Variants in ANKS1B observed in about 807,000 individuals in gnomAD.
ANKS1B encodes ankyrin repeat and sterile alpha motif domain containing 1B.
Under a neutral mutation model 148.3 loss-of-function variants are expected in ANKS1B, and 36 were observed. That is an observed-to-expected ratio of 0.24 (90% CI 0.19 to 0.32). The LOEUF is 0.32. Among genes scored for constraint, ANKS1B ranks in the 10% least tolerant of loss-of-function variants. ANKS1B has a pLI of 1.00. For synonymous variants in ANKS1B, 542 were observed against 560.8 expected (o/e 0.97, Z 0.47); for missense variants, 1,157 against 1,542.6 (o/e 0.75, Z 4.19).
chr12:99,807,997 T>A (rs2067855818), intron 3 of ANKS1B, among the ~76,000 whole-genome samples: 1 of 152,092 alleles, frequency 6.6e-6, no homozygotes, highest in Non-Finnish European at 1.5e-5. Context: ...AAATTACACA[T>A]CCAAGTAGAA....
intron 17 of ANKS1B, among the ~76,000 whole-genome samples, chr12:99,037,984 T>C (rs2099956586): frequency 6.6e-6 from 1 of 152,162 alleles, no homozygotes; most frequent in African/African-American, 2.4e-5. Flanking sequence ...TTCCCCAAAC[T>C]CCAGGCCGGC....
intron 24 of ANKS1B, 48 bp downstream of exon 24, chr12:98,781,069 C>G: frequency 1.7e-6 from 2 of 1,199,528 alleles, no homozygotes; most frequent in Non-Finnish European, 1.2e-6. Context: ...AGATCATACA[C>G]TCAGGACTGC....
intron 1 of ANKS1B, among the ~76,000 whole-genome samples, chr12:99,909,039 C>T (rs866783276): frequency 2.0e-5 from 3 of 152,000 alleles, no homozygotes; most frequent in Non-Finnish European, 4.4e-5. Flanking sequence ...CCCTAGTAAC[C>T]ACCATTCTAC....
intron 16 of ANKS1B, among the ~76,000 whole-genome samples, chr12:99,079,376 G>A (rs2048902820): frequency 6.6e-6 from 1 of 152,116 alleles, no homozygotes; most frequent in African/African-American, 2.4e-5. Context: ...GAGGTTCTCA[G>A]TGCCATTCAG....
intron 12 of ANKS1B, among the ~76,000 whole-genome samples, chr12:99,385,053 C>A (rs755929869): frequency 1.4e-5 from 2 of 145,660 alleles, no homozygotes; most frequent in Non-Finnish European, 3.1e-5. Context: ...ATAATTGAGG[C>A]CCCAACCACA....
At chr12:99,679,993 G>A (rs915065762) in intron 8 of ANKS1B, among the ~76,000 whole-genome samples, 2 of 152,280 alleles carry the variant, frequency 1.3e-5, no homozygotes, top group Admixed American at 1.3e-4. Flanking sequence ...AACTCTGTGA[G>A]ACAGTTGAAA....
At chr12:99,540,476 G>A (rs1164700314) in intron 9 of ANKS1B, among the ~76,000 whole-genome samples, 1 of 152,002 alleles carries the variant, frequency 6.6e-6, no homozygotes, top group Non-Finnish European at 1.5e-5. Flanking sequence ...TATGTTCTCT[G>A]ACCATAATAG....
chr12:99,564,364 G>A (rs1040677606), intron 9 of ANKS1B, among the ~76,000 whole-genome samples: 16 of 151,372 alleles, frequency 1.1e-4, no homozygotes, highest in Admixed American at 4.6e-4. Flanking sequence ...ACAGAAAGAC[G>A]CCCAAAATTG....
intron 1 of ANKS1B, among the ~76,000 whole-genome samples, chr12:99,873,973 T>C (rs2091816628): frequency 1.3e-5 from 2 of 151,544 alleles, no homozygotes; most frequent in South Asian, 4.2e-4. Flanking sequence ...TCCATAATCT[T>C]GTGTGCCAAT....
At chr12:99,390,990 G>C (rs1254903967) in intron 12 of ANKS1B, among the ~76,000 whole-genome samples, 1 of 152,218 alleles carries the variant, frequency 6.6e-6, no homozygotes, top group East Asian at 1.9e-4. Flanking sequence ...GAATGGTCTT[G>C]ACCTAAATAT....
At chr12:98,750,837 G>A (rs1306477716) in intron 26 of ANKS1B, among the ~76,000 whole-genome samples, 1 of 152,238 alleles carries the variant, frequency 6.6e-6, no homozygotes, top group African/African-American at 2.4e-5. Flanking sequence ...CATGCCGCAG[G>A]AAGCCTCAGC....
At chr12:99,049,973 A>G (rs1015159976) in intron 17 of ANKS1B, among the ~76,000 whole-genome samples, 1 of 152,166 alleles carries the variant, frequency 6.6e-6, no homozygotes, top group Non-Finnish European at 1.5e-5. Flanking sequence ...ACATAGAACA[A>G]CAGTTACTGG....
At chr12:99,235,658 TATC>T (rs1402590191) in intron 14 of ANKS1B, among the ~76,000 whole-genome samples, 4 of 152,230 alleles carry the variant, frequency 2.6e-5, no homozygotes, top group Non-Finnish European at 5.9e-5. Flanking sequence ...TTGGAGCTAA[TATC>T]ATACTTGGGT....
At chr12:99,202,987 G>A (rs2082241939) in intron 14 of ANKS1B, among the ~76,000 whole-genome samples, 2 of 152,286 alleles carry the variant, frequency 1.3e-5, no homozygotes, top group Admixed American at 6.5e-5. Context: ...ACTTGTTAAA[G>A]CTTAGCCCCA....
chr12:99,915,368 G>A (rs367929886), intron 1 of ANKS1B, among the ~76,000 whole-genome samples: 3 of 152,266 alleles, frequency 2.0e-5, no homozygotes, highest in South Asian at 2.1e-4. Context: ...CACACATAAG[G>A]ACGTGGATGT....
chr12:99,892,117 C>CCTCA (rs1339071195), intron 1 of ANKS1B, among the ~76,000 whole-genome samples: 1 of 152,148 alleles, frequency 6.6e-6, no homozygotes, highest in African/African-American at 2.4e-5. Context: ...AATTCTCCTG[C>CCTCA]CTCAGCCTCC....
At chr12:99,776,331 G>T (rs1416693762) in intron 6 of ANKS1B, among the ~76,000 whole-genome samples, 3 of 152,168 alleles carry the variant, frequency 2.0e-5, no homozygotes, top group Non-Finnish European at 2.9e-5. Flanking sequence ...TGTTCTAAGT[G>T]TTTTGTATAA....
In ANKS1B at chr12:99,648,258, G is replaced by C. The variant is rs760828488; in HGVS notation, c.1272+6809C>G. 3.7e-6 allele frequency: 6 copies of C among 1,614,202 alleles called. No homozygotes were observed. In the South Asian group the frequency reaches 6.6e-5, roughly 18 times the overall value. ...TGTTTAACACCTCCATGGGGAAGCT[G>C]CAGCGGCAACTGTACAAAGGCGAGT... On this transcript the variant is annotated intron_variant, in intron 9 of 26. Coordinates refer to ENST00000683438, the MANE Select transcript of ANKS1B (RefSeq NM_001352186.2).
rs546125269 is a variant in ANKS1B, at chr12:99,929,439, C to G, written c.134+54665G>C. Among the ~76,000 whole-genome samples the G allele has an allele frequency of 1.3e-3, 200 of 152,236 alleles. 1 individual carries two copies. Among genetic ancestry groups the G allele is most frequent in the African/African-American group, 4.5e-3 (189 of 41,546 alleles). ...TAGGTTGCAAAAATTTTCTCCCATT[C>G]TGTAGGTTGCCTGTTCACTCTGATG... is the stretch of plus-strand genomic sequence containing the variant. On this transcript the variant is annotated intron_variant, in intron 1 of 26. Coordinates refer to ENST00000683438, the MANE Select transcript of ANKS1B (RefSeq NM_001352186.2).
Sources: gnomAD v4.1 joint callset for allele counts (sites outside exome capture counted in the v4.1 genomes callset) on GRCh38, gnomAD v4.1.1 for gene constraint, MANE v1.5 for transcripts, NCBI Gene and HGNC (gene_info 2026-07-23, HGNC 2026-07-21) for gene names.